Variants in CLSTN2 observed in about 807,000 individuals in gnomAD.
CLSTN2 encodes the protein calsyntenin-2.
Under a neutral mutation model 101.2 loss-of-function variants are expected in CLSTN2, and 48 were observed. The observed-to-expected ratio is 0.47, with a 90% confidence interval of 0.38 to 0.60. The LOEUF (loss-of-function observed/expected upper bound fraction) is 0.60. Ranked by LOEUF, CLSTN2 falls within the 20% of genes least tolerant of loss-of-function variation. CLSTN2 has a pLI of 0.00. For missense variants in CLSTN2, 1,160 were observed against 1,238.2 expected (o/e 0.94, Z 0.95); for synonymous variants, 481 against 463.6 (o/e 1.04, Z -0.48).
intron 2 of CLSTN2, among the ~76,000 whole-genome samples, chr3:140,334,073 C>T (rs570679474): frequency 1.1e-4 from 16 of 152,112 alleles, no homozygotes; most frequent in Non-Finnish European, 2.4e-4. Context: ...GCCTTCCATG[C>T]GACCTTGGAT....
intron 2 of CLSTN2, among the ~76,000 whole-genome samples, chr3:140,344,106 A>G (rs1192314178): frequency 1.3e-5 from 2 of 152,162 alleles, no homozygotes; most frequent in Non-Finnish European, 2.9e-5. Context: ...TACCTGCTAT[A>G]GTTTCAGTAA....
intron 8 of CLSTN2, among the ~76,000 whole-genome samples, chr3:140,472,719 CT>C (rs1034873031): frequency 6.6e-6 from 1 of 152,114 alleles, no homozygotes; most frequent in Admixed American, 6.5e-5. Flanking sequence ...TTCTCTCTCT[CT>C]TTCAGGCAGA....
intron 10 of CLSTN2, among the ~76,000 whole-genome samples, chr3:140,548,688 T>C (rs1296763988): frequency 6.6e-6 from 1 of 152,038 alleles, no homozygotes; most frequent in Non-Finnish European, 1.5e-5. Flanking sequence ...ACAAAGCCAG[T>C]GTTATGAGTC....
chr3:140,464,484 TC>T (rs1191794226), intron 7 of CLSTN2, among the ~76,000 whole-genome samples: 2 of 152,166 alleles, frequency 1.3e-5, no homozygotes, highest in Non-Finnish European at 2.9e-5. Context: ...TAAAATGGAT[TC>T]CTGAGCAAAT....
chr3:140,132,430 T>A (rs1454745759), intron 1 of CLSTN2, among the ~76,000 whole-genome samples: 2 of 152,152 alleles, frequency 1.3e-5, no homozygotes, highest in Non-Finnish European at 2.9e-5. Flanking sequence ...AATAAGACAA[T>A]TCTCCTGCCC....
At chr3:140,355,464 A>T (rs79438742) in intron 2 of CLSTN2, among the ~76,000 whole-genome samples, 2,530 of 152,284 alleles carry the variant, frequency 0.017, 64 homozygotes, top group African/African-American at 0.058. Context: ...TGGAATAAGG[A>T]AGTTGCTCAG....
intron 5 of CLSTN2, among the ~76,000 whole-genome samples, chr3:140,443,658 C>T (rs916384012): frequency 3.9e-5 from 6 of 152,144 alleles, no homozygotes; most frequent in African/African-American, 1.4e-4. Context: ...GTCTCTAGGC[C>T]CCTTATAAAC....
chr3:140,115,082 C>A (rs773213867), intron 1 of CLSTN2, among the ~76,000 whole-genome samples: 1 of 152,142 alleles, frequency 6.6e-6, no homozygotes, highest in Non-Finnish European at 1.5e-5. Flanking sequence ...GTGTGTAGTT[C>A]CCTGAAAGGA....
At chr3:140,267,496 AGCCAAACCTT>A (rs1250062148) in intron 2 of CLSTN2, among the ~76,000 whole-genome samples, 1 of 152,202 alleles carries the variant, frequency 6.6e-6, no homozygotes, top group Non-Finnish European at 1.5e-5. Context: ...TAGGGAGAAA[AGCCAAACCTT>A]GCCAAAGCAA....
At chr3:140,087,687 G>T (rs1367473269) in intron 1 of CLSTN2, among the ~76,000 whole-genome samples, 1 of 152,210 alleles carries the variant, frequency 6.6e-6, no homozygotes, top group Non-Finnish European at 1.5e-5. Context: ...TAAGATTGTG[G>T]CTGATATAAA....
At chr3:140,427,207 GTATATATATATATA>G (rs1301184422) in intron 5 of CLSTN2, among the ~76,000 whole-genome samples, 34 of 84,922 alleles carry the variant, frequency 4.0e-4, no homozygotes, top group African/African-American at 2.4e-3. Flanking sequence ...ATATATATGT[GTATATATATATATA>G]TATGTGTGTA....
At chr3:140,408,345 AT>A (rs2088328031) in intron 4 of CLSTN2, among the ~76,000 whole-genome samples, 1 of 152,144 alleles carries the variant, frequency 6.6e-6, no homozygotes, top group Admixed American at 6.5e-5. Context: ...TGGCTGAGAC[AT>A]TTGGAGACAT....
intron 2 of CLSTN2, among the ~76,000 whole-genome samples, chr3:140,370,162 T>C (rs1184318901): frequency 1.3e-5 from 2 of 152,172 alleles, no homozygotes; most frequent in Non-Finnish European, 2.9e-5. Context: ...TGGGTTAGGA[T>C]GCACAGCCTG....
At chr3:140,018,333 T>C (rs911296251) in intron 1 of CLSTN2, among the ~76,000 whole-genome samples, 4 of 152,198 alleles carry the variant, frequency 2.6e-5, no homozygotes, top group South Asian at 2.1e-4. Context: ...CATTTTGCCA[T>C]AACTCCAGCA....
intron 1 of CLSTN2, among the ~76,000 whole-genome samples, chr3:140,066,235 C>T (rs1281922713): frequency 6.6e-6 from 1 of 152,202 alleles, no homozygotes; most frequent in South Asian, 2.1e-4. Context: ...GTCTGTGGAG[C>T]CCCCAGCAGC....
At chr3:140,524,999 G>T (rs923871238) in intron 8 of CLSTN2, among the ~76,000 whole-genome samples, 2 of 152,166 alleles carry the variant, frequency 1.3e-5, no homozygotes, top group African/African-American at 2.4e-5. Flanking sequence ...AGGTTAGAAA[G>T]ATTTCAATTT....
At chr3:140,504,309 G>A (rs1399804015) in intron 8 of CLSTN2, among the ~76,000 whole-genome samples, 1 of 151,246 alleles carries the variant, frequency 6.6e-6, no homozygotes, top group Non-Finnish European at 1.5e-5. Context: ...TGAACACATA[G>A]AACATCTTAC....
chr3:140,504,245 A>G (rs746885515), intron 8 of CLSTN2, among the ~76,000 whole-genome samples: 1 of 152,182 alleles, frequency 6.6e-6, no homozygotes, highest in Non-Finnish European at 1.5e-5. Flanking sequence ...GGACCTTTTC[A>G]TGAGAGCCTT....
At chr3:140,080,167 C>T (rs2008572381) in intron 1 of CLSTN2, among the ~76,000 whole-genome samples, 1 of 152,176 alleles carries the variant, frequency 6.6e-6, no homozygotes, top group African/African-American at 2.4e-5. Context: ...ATATTGTCAC[C>T]TGAGAAACCA....
Sources: gnomAD v4.1 joint callset for allele counts (sites outside exome capture counted in the v4.1 genomes callset) on GRCh38, gnomAD v4.1.1 for gene constraint, MANE v1.5 for transcripts, NCBI Gene and HGNC (gene_info 2026-07-23, HGNC 2026-07-21) for gene names.